The following UGT3A2 variants were observed in gnomAD, a reference collection of about 807,000 sequenced individuals.
UGT3A2 encodes UDP-glycosyltransferase 3A2.
UGT3A2 carries 32 observed loss-of-function variants against 39.8 expected under a neutral mutation model. That is an observed-to-expected ratio of 0.80 (90% CI 0.61 to 1.08). The LOEUF is 1.08. UGT3A2 is among the 50% of genes least tolerant of loss of function. The pLI is 0.00. For synonymous variants in UGT3A2, 241 were observed against 230.7 expected (o/e 1.04, Z -0.40); for missense variants, 611 against 637.1 (o/e 0.96, Z 0.44).
At chr5:36,057,222 T>C (rs775051256) in intron 2 of UGT3A2, among the ~76,000 whole-genome samples, 6 of 151,990 alleles carry the variant, frequency 3.9e-5, no homozygotes, top group Non-Finnish European at 8.8e-5. Context: ...AAATAAGGAG[T>C]TAATAATTGG....
intron 4 of UGT3A2, among the ~76,000 whole-genome samples, chr5:36,048,550 A>T: frequency 6.6e-6 from 1 of 152,384 alleles, no homozygotes; most frequent in East Asian, 1.9e-4. Flanking sequence ...ATGGGCACTA[A>T]CTACATGTTT....
rs776131710 is a variant in UGT3A2, at chr5:36,066,831, C to A, written c.-42G>T. 1 of 1,611,670 alleles carries A rather than the reference C, an allele frequency of 6.2e-7. No homozygotes were observed. The highest frequency in any genetic ancestry group is 8.5e-7 in the Non-Finnish European group (1 of 1,177,918). ...GCCGCGGATCTCAGCCTGGGCTGCG[C>A]GCCCTGCGCCCGGCTAAGGGACCCT... On this transcript the variant is annotated 5_prime_UTR_variant, in exon 1 of 7. Transcript: ENST00000282507.
intron 2 of UGT3A2, among the ~76,000 whole-genome samples, chr5:36,060,415 C>T (rs1025761767): frequency 6.6e-6 from 1 of 152,144 alleles, no homozygotes; most frequent in South Asian, 2.1e-4. Flanking sequence ...AGGGCAGTCA[C>T]GCCCCAAGTG....
chr5:36,065,183 A>C (rs1400145113), intron 1 of UGT3A2, among the ~76,000 whole-genome samples: 2 of 152,158 alleles, frequency 1.3e-5, no homozygotes, highest in Non-Finnish European at 2.9e-5. Context: ...GCAGCAGAGA[A>C]AGGAAGATCA....
rs367568897 is a variant in UGT3A2 at position 36,035,869 on chromosome 5, G to A, written c.1401C>T (p.Gly467=). 86 of 1,614,018 alleles carry A rather than the reference G, an allele frequency of 5.3e-5. No homozygotes were observed. The highest frequency in any genetic ancestry group is 1.6e-4 in the Middle Eastern group (1 of 6,084). The change falls in exon 7 of 7, where the codon GGC becomes GGT. Residue 467 remains glycine, a synonymous_variant. Coordinates refer to ENST00000282507, the MANE Select transcript of UGT3A2 (RefSeq NM_174914.4). ...GWIDHVLQTG[G]ATHLKPYVFQ... is the part of the protein sequence containing the mutation. Reference sequence around the variant, plus strand: ...AGACATAGGGCTTGAGGTGCGTCGCGCCCCCTGTCTGGAGGACGTGGTCAA... The same window carrying A: ...AGACATAGGGCTTGAGGTGCGTCGCACCCCCTGTCTGGAGGACGTGGTCAA...
In UGT3A2 at chr5:36,035,884, G is replaced by T; in HGVS notation, c.1386C>A (p.Val462=). 2 of 1,614,216 alleles carry T rather than the reference G, an allele frequency of 1.2e-6. No homozygotes were observed. The highest frequency in any genetic ancestry group is 2.2e-5 in the South Asian group (2 of 91,084). ...GGTGCGTCGCGCCCCCTGTCTGGAGGACGTGGTCAATCCAGCCCACCAGCC... is the reference window on the plus strand; with the variant it reads ...GGTGCGTCGCGCCCCCTGTCTGGAGTACGTGGTCAATCCAGCCCACCAGCC... The part of the protein sequence containing the change: ...TQRLVGWIDH[V]LQTGGATHLK... Residue 462 remains valine, a synonymous_variant, in exon 7 of 7, where the codon GTC becomes GTA. Transcript: ENST00000282507.
intron 2 of UGT3A2, among the ~76,000 whole-genome samples, chr5:36,063,395 T>C (rs1459527071): frequency 6.6e-6 from 1 of 152,204 alleles, no homozygotes; most frequent in African/African-American, 2.4e-5. Flanking sequence ...TTCTTTGGAC[T>C]CAATGACTCC....
At chr5:36,064,414 A>ACT (rs1353484575) in intron 1 of UGT3A2, 64 bp from the exon 2 acceptor site, 3 of 1,399,884 alleles carry the variant, frequency 2.1e-6, no homozygotes, top group Non-Finnish European at 3.0e-6. Flanking sequence ...GTCAGTAGTG[A>ACT]TCAATCCAGG....
intron 4 of UGT3A2, among the ~76,000 whole-genome samples, chr5:36,040,524 T>G (rs746765661): frequency 3.3e-5 from 5 of 152,142 alleles, no homozygotes; most frequent in Non-Finnish European, 7.3e-5. Flanking sequence ...ACAGAATCTG[T>G]GTGCTTAGGG....
intron 4 of UGT3A2, among the ~76,000 whole-genome samples, chr5:36,047,565 ACTTCTTT>A (rs879514560): frequency 5.3e-5 from 8 of 152,176 alleles, no homozygotes; most frequent in Non-Finnish European, 8.8e-5. Flanking sequence ...ATTCCCAAGG[ACTTCTTT>A]AAAACAGCCT....
intron 2 of UGT3A2, among the ~76,000 whole-genome samples, chr5:36,054,601 G>T (rs1332815796): frequency 1.3e-5 from 2 of 151,800 alleles, no homozygotes; most frequent in African/African-American, 4.8e-5. Flanking sequence ...TATGAAACTA[G>T]GAAAAAATGA....
At chr5:36,056,360 G>A (rs1188723022) in intron 2 of UGT3A2, among the ~76,000 whole-genome samples, 3 of 152,190 alleles carry the variant, frequency 2.0e-5, no homozygotes, top group Non-Finnish European at 2.9e-5. Context: ...TCTGCACTTC[G>A]TGGTCCTTTA....
At chr5:36,049,452 G>A (rs1419631167) in intron 3 of UGT3A2, 32 bp from the exon 4 acceptor site, 1 of 1,473,272 alleles carries the variant, frequency 6.8e-7, no homozygotes. Context: ...AAATATTCAT[G>A]GGAAGTGTTA....
In UGT3A2 at chr5:36,035,937, G is replaced by T; in HGVS notation, c.1333C>A (p.Arg445Ser). 1 of 1,614,046 alleles carries T rather than the reference G, an allele frequency of 6.2e-7. No homozygotes were observed. The highest frequency in any genetic ancestry group is 8.5e-7 in the Non-Finnish European group (1 of 1,179,950). Residue 445 changes from arginine to serine, a missense_variant, in exon 7 of 7, where the codon CGC (arginine) becomes AGC (serine). By Grantham distance (110) the Arg-to-Ser change is moderately radical. Transcript: ENST00000282507. ...TGTGTGGGGCTGAGCGGGTGGGAGCGCAGGATGACACTGGCAGCCACTGCC... is the reference window on the plus strand; with the variant it reads ...TGTGTGGGGCTGAGCGGGTGGGAGCTCAGGATGACACTGGCAGCCACTGCC... ...SAAVAASVIL[R>S]SHPLSPTQRL...
Position 36,035,200 on chromosome 5 carries a change from G to C in UGT3A2, c.*498C>G, listed in dbSNP as rs1460694789. The C allele has an allele frequency of 3.0e-5, 5 of 168,310 alleles. No individual in the cohort carries two copies. The highest frequency in any genetic ancestry group is 1.2e-4 in the African/African-American group (5 of 41,894). 10.4% of individuals were successfully genotyped at this position (168,310 alleles called of 1,614,324 possible). On this transcript the variant is annotated 3_prime_UTR_variant, in exon 7 of 7. Coordinates refer to ENST00000282507, the MANE Select transcript of UGT3A2 (RefSeq NM_174914.4). ...CTCTCAAGCACAGGGCAGGCTTCCT[G>C]AGCATTGAAGAGAATATGTGGGAGA...
In UGT3A2 at chr5:36,064,160, T is replaced by A. The variant is rs2172777; in HGVS notation, c.196+89A>T. 17,891 of 1,240,566 alleles carry A rather than the reference T, an allele frequency of 0.014. 2,015 individuals carry two copies. The African/African-American group carries it at 0.24, about 17-fold the overall frequency. The allele number at this position is 1,240,566 out of a possible 1,614,324, so 76.8% of individuals were successfully genotyped here. A position where few individuals can be genotyped will look rare whatever the true frequency, so the allele number is the denominator to read the frequency against. On this transcript the variant is annotated intron_variant, in intron 2 of 6. Coordinates refer to ENST00000282507, the MANE Select transcript of UGT3A2 (RefSeq NM_174914.4). ...CATCCTTCCAATTGAATTAGATTTTTAAAAAACATTTTGCTAAGCCTTTCT... is the reference window on the plus strand; with the variant it reads ...CATCCTTCCAATTGAATTAGATTTTAAAAAAACATTTTGCTAAGCCTTTCT...
At chr5:36,055,479 G>C in intron 2 of UGT3A2, among the ~76,000 whole-genome samples, 1 of 152,104 alleles carries the variant, frequency 6.6e-6, no homozygotes, top group Non-Finnish European at 1.5e-5. Flanking sequence ...TGATCCGCCT[G>C]CATCAGCCTC....
intron 2 of UGT3A2, among the ~76,000 whole-genome samples, chr5:36,057,889 C>T (rs1291292448): frequency 3.3e-5 from 5 of 152,136 alleles, no homozygotes. Flanking sequence ...TTTTCACCTA[C>T]ATTTTAATTT....
intron 2 of UGT3A2, among the ~76,000 whole-genome samples, chr5:36,055,521 T>C (rs1290465): frequency 0.66 from 100,033 of 152,054 alleles, 35,735 homozygotes; most frequent in Non-Finnish European, 0.8. Context: ...TGTGAGCCAC[T>C]GTGCCCGGCC....
Sources: allele counts gnomAD v4.1 joint callset (sites outside exome capture counted in the v4.1 genomes callset), GRCh38; gene constraint gnomAD v4.1.1; transcripts MANE v1.5; gene names NCBI Gene and HGNC (gene_info 2026-07-23, HGNC 2026-07-21).